NUDCD1: variants seen among roughly 807,000 people sequenced by gnomAD.
NUDCD1 encodes the protein nudC domain-containing protein 1.
NUDCD1 carries 60 observed loss-of-function variants against 67.8 expected under a neutral mutation model. The observed-to-expected ratio is 0.88, with a 90% CI of 0.72 to 1.10. The LOEUF (loss-of-function observed/expected upper bound fraction) is 1.10, where lower values mean the gene tolerates loss of function less well. Ranked by LOEUF, NUDCD1 falls within the 50% of genes least tolerant of loss-of-function variation. NUDCD1 has a pLI of 0.00. For missense variants in NUDCD1, 643 were observed against 695.0 expected (o/e 0.93, Z 0.84); for synonymous variants, 244 against 230.8 (o/e 1.06, Z -0.52).
chr8:109,266,416 T>TC (rs1491375512), intron 8 of NUDCD1, among the ~76,000 whole-genome samples: 16 of 116,830 alleles, frequency 1.4e-4, no homozygotes, highest in African/African-American at 5.4e-4. Flanking sequence ...TTTTTTTTTT[T>TC]CGTATTTTCA....
chr8:109,290,850 A>G (rs1814696087), intron 4 of NUDCD1, among the ~76,000 whole-genome samples: 1 of 152,184 alleles, frequency 6.6e-6, no homozygotes, highest in Non-Finnish European at 1.5e-5. Flanking sequence ...TTTTTACATA[A>G]TAATACCATC....
At chr8:109,332,258 G>A (rs1362194142) in intron 1 of NUDCD1, among the ~76,000 whole-genome samples, 1 of 152,186 alleles carries the variant, frequency 6.6e-6, no homozygotes, top group Non-Finnish European at 1.5e-5. Context: ...GGCTAGTCAG[G>A]AGGCTACTAG....
chr8:109,326,163 C>T lies in NUDCD1; in HGVS notation c.119-3700G>A, dbSNP rs567521717. 5.3e-4 allele frequency among the ~76,000 whole-genome samples: 80 copies of T among 152,352 alleles called. 2 individuals carry two copies. In the South Asian group the frequency reaches 0.016, roughly 30 times the overall value. ...AGACCTCTGGGCAATCCTGAACAAA[C>T]TGGAGGCTTCTTAGACATCAGTCTT... is the stretch of plus-strand genomic sequence containing the variant. On this transcript the variant is annotated intron_variant, in intron 1 of 9. Transcript: ENST00000239690.
At chr8:109,272,163 T>C (rs2129955045) in intron 7 of NUDCD1, among the ~76,000 whole-genome samples, 1 of 152,210 alleles carries the variant, frequency 6.6e-6, no homozygotes, top group Non-Finnish European at 1.5e-5. Context: ...TTTCACATTT[T>C]TAATCTCTTT....
chr8:109,325,915 C>G (rs1248735298), intron 1 of NUDCD1, among the ~76,000 whole-genome samples: 1 of 152,168 alleles, frequency 6.6e-6, no homozygotes, highest in Non-Finnish European at 1.5e-5. Flanking sequence ...ATGGAAACAT[C>G]TCACAGGTAA....
At chr8:109,265,304 C>T (rs1391912286) in intron 8 of NUDCD1, among the ~76,000 whole-genome samples, 1 of 151,044 alleles carries the variant, frequency 6.6e-6, no homozygotes, top group African/African-American at 2.4e-5. Context: ...TTTTCATTTC[C>T]AAATAGTTTA....
At chr8:109,296,000 A>C (rs1814833459) in intron 3 of NUDCD1, among the ~76,000 whole-genome samples, 1 of 152,138 alleles carries the variant, frequency 6.6e-6, no homozygotes, top group South Asian at 2.1e-4. Flanking sequence ...CTACTATTTG[A>C]CCAATGTAAA....
chr8:109,268,260 G>C (rs1273098569), intron 8 of NUDCD1, among the ~76,000 whole-genome samples: 2 of 152,036 alleles, frequency 1.3e-5, no homozygotes, highest in African/African-American at 2.4e-5. Context: ...GGTGTATTTT[G>C]CTCAGTTCTA....
At chr8:109,284,450 C>T (rs1354306139) in intron 5 of NUDCD1, among the ~76,000 whole-genome samples, 2 of 152,032 alleles carry the variant, frequency 1.3e-5, no homozygotes, top group Admixed American at 1.3e-4. Flanking sequence ...CTACAGAATA[C>T]CCCACCCATC....
chr8:109,258,094 C>T (rs1586255181), intron 8 of NUDCD1, among the ~76,000 whole-genome samples: 1 of 152,078 alleles, frequency 6.6e-6, no homozygotes, highest in East Asian at 1.9e-4. Context: ...TCCAAGGCCA[C>T]AAAGATGACT....
chr8:109,289,645 T>C (rs1586281778), intron 5 of NUDCD1, 106 bp downstream of exon 5: 3 of 555,842 alleles, frequency 5.4e-6, no homozygotes, highest in South Asian at 3.3e-5. Context: ...GAAAAAATTA[T>C]GCATCTATCT....
At chr8:109,284,922 A>T (rs1814538872) in intron 5 of NUDCD1, among the ~76,000 whole-genome samples, 1 of 151,970 alleles carries the variant, frequency 6.6e-6, no homozygotes, top group Non-Finnish European at 1.5e-5. Flanking sequence ...ATAGGCTGTT[A>T]GCTAGATTAA....
At chr8:109,246,658 G>T (rs1055399899) in intron 8 of NUDCD1, among the ~76,000 whole-genome samples, 1 of 152,168 alleles carries the variant, frequency 6.6e-6, no homozygotes, top group African/African-American at 2.4e-5. Context: ...AAGACATGTT[G>T]TAAGGATAGT....
chr8:109,269,971 T>C (rs1350814967), intron 8 of NUDCD1, among the ~76,000 whole-genome samples: 1 of 142,828 alleles, frequency 7.0e-6, no homozygotes, highest in Non-Finnish European at 1.5e-5. Flanking sequence ...AAAATCTACA[T>C]CTACTGCACC....
At chr8:109,273,039 T>TTC (rs1173849987) in intron 7 of NUDCD1, among the ~76,000 whole-genome samples, 2 of 152,150 alleles carry the variant, frequency 1.3e-5, no homozygotes, top group Non-Finnish European at 2.9e-5. Flanking sequence ...CCACCAGTGC[T>TTC]TCACAGGACA....
intron 7 of NUDCD1, among the ~76,000 whole-genome samples, chr8:109,274,264 A>G (rs986249062): frequency 2.6e-5 from 4 of 152,208 alleles, no homozygotes; most frequent in African/African-American, 7.2e-5. Context: ...ATGAGATTGT[A>G]TATTTGTCTT....
intron 3 of NUDCD1, among the ~76,000 whole-genome samples, chr8:109,294,222 G>T (rs983655757): frequency 6.6e-6 from 1 of 151,838 alleles, no homozygotes; most frequent in African/African-American, 2.4e-5. Flanking sequence ...AAAAAAGGTA[G>T]CTTTAAAAAA....
At chr8:109,322,678 A>G (rs1326575384) in intron 1 of NUDCD1, among the ~76,000 whole-genome samples, 1 of 152,244 alleles carries the variant, frequency 6.6e-6, no homozygotes, top group Non-Finnish European at 1.5e-5. Flanking sequence ...ACGTCCTTAC[A>G]AGACTTAGAA....
chr8:109,257,999 T>G (rs543112331), intron 8 of NUDCD1, among the ~76,000 whole-genome samples: 1 of 152,076 alleles, frequency 6.6e-6, no homozygotes, highest in Admixed American at 6.6e-5. Flanking sequence ...TTTTGAAAAA[T>G]AGATGTTAAT....
Sources: allele counts gnomAD v4.1 joint callset (sites outside exome capture counted in the v4.1 genomes callset), GRCh38; gene constraint gnomAD v4.1.1; transcripts MANE v1.5; gene names NCBI Gene and HGNC (gene_info 2026-07-23, HGNC 2026-07-21).